Variants in HS3ST3A1 observed in about 807,000 individuals in gnomAD.
HS3ST3A1 encodes heparan sulfate-glucosamine 3-sulfotransferase 3A1, also known as heparan sulfate glucosamine 3-O-sulfotransferase 3A1.
HS3ST3A1 carries 19 observed loss-of-function variants against 25.7 expected under a neutral mutation model. The observed-to-expected ratio is 0.74, with a 90% CI of 0.52 to 1.08. HS3ST3A1 has a LOEUF of 1.08. HS3ST3A1 is among the 50% of genes least tolerant of loss of function. The pLI is 0.00. For synonymous variants in HS3ST3A1, 226 were observed against 278.6 expected, an observed-to-expected ratio of 0.81 and a Z score of 1.88; for missense variants, 459 against 594.3, an observed-to-expected ratio of 0.77 and a Z score of 2.37.
chr17:13,524,411 C>T (rs1354374780), intron 1 of HS3ST3A1, among the ~76,000 whole-genome samples: 1 of 152,086 alleles, frequency 6.6e-6, no homozygotes, highest in Non-Finnish European at 1.5e-5. Context: ...GCACACACTA[C>T]CACACCCGGC....
At chr17:13,552,814 T>C (rs1033099598) in intron 1 of HS3ST3A1, among the ~76,000 whole-genome samples, 1 of 152,146 alleles carries the variant, frequency 6.6e-6, no homozygotes, top group Admixed American at 6.6e-5. Flanking sequence ...ATGGATGTGG[T>C]ATACTGGAGA....
intron 1 of HS3ST3A1, among the ~76,000 whole-genome samples, chr17:13,550,618 A>G (rs1267486507): frequency 1.3e-5 from 2 of 152,172 alleles, no homozygotes; most frequent in Non-Finnish European, 2.9e-5. Flanking sequence ...TGTAGACACT[A>G]AAATTTGAAG....
intron 1 of HS3ST3A1, among the ~76,000 whole-genome samples, chr17:13,532,908 C>T (rs200871833): frequency 0.16 from 8,773 of 53,736 alleles, 404 homozygotes; most frequent in African/African-American, 0.4. Flanking sequence ...TGTTTATATA[C>T]ACACACACAC....
intron 1 of HS3ST3A1, among the ~76,000 whole-genome samples, chr17:13,572,920 A>G (rs144292728): frequency 1.3e-5 from 2 of 152,346 alleles, no homozygotes; most frequent in Non-Finnish European, 2.9e-5. Flanking sequence ...CTTTTCCGCC[A>G]CAAGACCTTG....
rs752104278 is a variant in HS3ST3A1, at chr17:13,600,986, G to A, written c.144C>T (p.Thr48=). 15 of 1,568,774 alleles carry A rather than the reference G, an allele frequency of 9.6e-6. No individual in the cohort carries two copies. In the South Asian group the frequency reaches 1.6e-4, roughly 17 times the overall value. ...ACAGCCCCACGACGGGGCCGGACAG[G>A]GTCTGGCAGCGCTCGGCCAGGCAGT... ...VFYCLAERCQ[T]LSGPVVGLSG... is the part of the protein sequence containing the mutation. The change falls in exon 1 of 2, where the codon ACC becomes ACT. Residue 48 remains threonine (T), a synonymous_variant. Transcript: ENST00000284110.
chr17:13,516,157 A>G (rs1386740934), intron 1 of HS3ST3A1, among the ~76,000 whole-genome samples: 1 of 152,026 alleles, frequency 6.6e-6, no homozygotes, highest in Admixed American at 6.5e-5. Context: ...AAAAATACAA[A>G]CAATGAGCCA....
Position 13,585,872 on chromosome 17 carries a change from C to G in HS3ST3A1, c.599+14659G>C, listed in dbSNP as rs1303476117. Among the ~76,000 whole-genome samples the G allele has an allele frequency of 4.9e-5, 5 of 102,912 alleles. No homozygotes were observed. The East Asian group carries it at 1.1e-3, about 23-fold the overall frequency. The allele number at this position is 102,912 out of a possible 152,430, so 67.5% of individuals were successfully genotyped here. On this transcript the variant is annotated intron_variant, in intron 1 of 1. Coordinates refer to ENST00000284110, the MANE Select transcript of HS3ST3A1 (RefSeq NM_006042.3). Reference sequence around the variant, plus strand: ...TTTTTTTTTTTTTTTTTTTTTCTGACAGAGTCTCGCTCTGTCGCCCAGGCT... The same window carrying G: ...TTTTTTTTTTTTTTTTTTTTTCTGAGAGAGTCTCGCTCTGTCGCCCAGGCT...
chr17:13,562,278 T>C (rs995860258), intron 1 of HS3ST3A1, among the ~76,000 whole-genome samples: 1 of 152,056 alleles, frequency 6.6e-6, no homozygotes, highest in South Asian at 2.1e-4. Flanking sequence ...GACACAGTCA[T>C]GGTCTGGAGG....
At chr17:13,542,473 T>C (rs1246560784) in intron 1 of HS3ST3A1, among the ~76,000 whole-genome samples, 1 of 151,676 alleles carries the variant, frequency 6.6e-6, no homozygotes, top group Non-Finnish European at 1.5e-5. Context: ...AGAGAGAAGG[T>C]GGCCATGTGC....
chr17:13,554,671 C>T (rs74536453), intron 1 of HS3ST3A1, among the ~76,000 whole-genome samples: 2,487 of 152,260 alleles, frequency 0.016, 65 homozygotes, highest in African/African-American at 0.057. Context: ...TCGAAGCATG[C>T]TCAGCCTCCT....
chr17:13,589,666 T>TACAC (rs145947782), intron 1 of HS3ST3A1, among the ~76,000 whole-genome samples: 1 of 151,242 alleles, frequency 6.6e-6, no homozygotes. Context: ...ACCAGAAAAT[T>TACAC]ACACACACAC....
intron 1 of HS3ST3A1, among the ~76,000 whole-genome samples, chr17:13,570,890 C>T (rs1907787392): frequency 6.6e-6 from 1 of 152,152 alleles, no homozygotes; most frequent in East Asian, 1.9e-4. Flanking sequence ...CACAACAACC[C>T]TTTCACTAAA....
intron 1 of HS3ST3A1, among the ~76,000 whole-genome samples, chr17:13,535,304 GC>G (rs747092403): frequency 7.9e-5 from 12 of 152,152 alleles, no homozygotes; most frequent in Non-Finnish European, 1.8e-4. Flanking sequence ...GCACATCACA[GC>G]CTTCTTGTGC....
Position 13,547,962 on chromosome 17 carries a change from A to C in HS3ST3A1, c.600-51144T>G, listed in dbSNP as rs868804049. 4.2e-4 allele frequency among the ~76,000 whole-genome samples: 63 copies of C among 150,084 alleles called. No individual in the cohort carries two copies. In the East Asian group the frequency reaches 4.5e-3, roughly 11 times the overall value. ...TGTGAGCCAAAAAAAAAAAAAAAAA[A>C]ACCACACGTTTGGCGTCAGGTATGG... On this transcript the variant is annotated intron_variant, in intron 1 of 1. Coordinates refer to ENST00000284110, the MANE Select transcript of HS3ST3A1 (RefSeq NM_006042.3).
intron 1 of HS3ST3A1, among the ~76,000 whole-genome samples, chr17:13,541,260 A>G (rs1906923096): frequency 6.6e-6 from 1 of 152,220 alleles, no homozygotes; most frequent in South Asian, 2.1e-4. Context: ...ATTCTCAGAT[A>G]TTAATTCTGA....
chr17:13,567,217 T>C (rs1325680417), intron 1 of HS3ST3A1, among the ~76,000 whole-genome samples: 4 of 152,232 alleles, frequency 2.6e-5, no homozygotes, highest in Non-Finnish European at 5.9e-5. Flanking sequence ...AAAGCCTGGA[T>C]GACAGCACAT....
At chr17:13,544,524 C>T (rs1455850591) in intron 1 of HS3ST3A1, among the ~76,000 whole-genome samples, 1 of 152,194 alleles carries the variant, frequency 6.6e-6, no homozygotes. Context: ...CATCACTTTT[C>T]AGGCCCTGCG....
intron 1 of HS3ST3A1, among the ~76,000 whole-genome samples, chr17:13,524,725 A>G (rs960723064): frequency 6.6e-6 from 1 of 152,224 alleles, no homozygotes; most frequent in Admixed American, 6.5e-5. Flanking sequence ...TAGTTATAGA[A>G]GGTGATAACA....
intron 1 of HS3ST3A1, among the ~76,000 whole-genome samples, chr17:13,546,094 G>T (rs561498502): frequency 6.6e-6 from 1 of 151,992 alleles, no homozygotes; most frequent in African/African-American, 2.4e-5. Context: ...CCACCTGTCC[G>T]CCCTCTCTGA....
Sources: allele counts gnomAD v4.1 joint callset (sites outside exome capture counted in the v4.1 genomes callset), GRCh38; gene constraint gnomAD v4.1.1; transcripts MANE v1.5; gene names NCBI Gene and HGNC (gene_info 2026-07-23, HGNC 2026-07-21).